Variants in VPS39 observed in about 807,000 individuals in gnomAD.
The protein encoded by VPS39 is vam6/Vps39-like protein.
In VPS39, 70 loss-of-function variants were observed where a neutral mutation model predicts 121.0. The ratio of observed to expected loss-of-function variants is 0.58; its 90% CI spans 0.48 to 0.71. The LOEUF is 0.71. Among genes scored for constraint, VPS39 ranks in the 30% least tolerant of loss-of-function variants. VPS39 has a pLI of 0.00. For missense variants in VPS39, 818 were observed against 1,051.5 expected (o/e 0.78, Z 3.07); for synonymous variants, 378 against 398.1 (o/e 0.95, Z 0.60).
Position 42,164,357 on chromosome 15 carries a change from C to T in VPS39, c.2026+1G>A. The T allele has an allele frequency of 6.2e-7, 1 of 1,614,062 alleles. No individual in the cohort carries two copies. The highest frequency in any genetic ancestry group is 8.5e-7 in the Non-Finnish European group (1 of 1,179,948). ...CTTCTGGCCCTAAGCCAGACACTCA[C>T]CATCAAAGGGAAAATCACAGATGAG... On this transcript the variant is annotated splice_donor_variant, in intron 19 of 24. Transcript: ENST00000318006. LOFTEE classifies it high-confidence loss of function.
rs193189995 is a variant in VPS39, at chr15:42,173,985, C to T, written c.961-133G>A. On this transcript the variant is annotated intron_variant, in intron 10 of 24. Transcript: ENST00000318006. ...AGACAAGGCCGGGCGCGGTGCCTCA[C>T]GCTTGTAATCCCAGCACTTTGGGAG... The T allele has an allele frequency of 1.2e-4, 122 of 1,003,872 alleles. 1 individual carries two copies. The African/African-American group carries it at 1.2e-3, about 10-fold the overall frequency. 62.2% of individuals were successfully genotyped at this position (1,003,872 alleles called of 1,614,324 possible). A position where few individuals can be genotyped will look rare whatever the true frequency, so the allele number is the denominator to read the frequency against.
chr15:42,167,326 T>C lies in VPS39; in HGVS notation c.1377+68A>G, dbSNP rs548916913. ...TGGCAGGTCCCTCAGGGTCTAGCACTCCCTTTTACTTTCCCAGACTGTCAG... is the reference window on the plus strand; with the variant it reads ...TGGCAGGTCCCTCAGGGTCTAGCACCCCCTTTTACTTTCCCAGACTGTCAG... On this transcript the variant is annotated intron_variant, in intron 13 of 24. Coordinates refer to ENST00000318006, the MANE Select transcript of VPS39 (RefSeq NM_015289.5). 383 of 1,582,486 alleles carry C rather than the reference T, an allele frequency of 2.4e-4. No individual in the cohort carries two copies. The Middle Eastern group carries it at 2.6e-3, about 11-fold the overall frequency.
At chr15:42,203,556 T>C (rs182173034) in intron 1 of VPS39, among the ~76,000 whole-genome samples, 2 of 151,624 alleles carry the variant, frequency 1.3e-5, no homozygotes, top group Admixed American at 6.6e-5. Flanking sequence ...GGAGAACCAC[T>C]TGAACACTGG....
At chr15:42,202,147 GGT>G (rs2050080871) in intron 1 of VPS39, among the ~76,000 whole-genome samples, 2 of 152,266 alleles carry the variant, frequency 1.3e-5, no homozygotes, top group East Asian at 3.9e-4. Flanking sequence ...AAAAAAAATG[GGT>G]GTCAGCCAAA....
intron 10 of VPS39, 44 bp from the exon 11 acceptor site, chr15:42,173,896 A>G (rs762055530): frequency 1.9e-6 from 3 of 1,606,270 alleles, no homozygotes; most frequent in African/African-American, 1.3e-5. Context: ...CACTCAACAA[A>G]TATTGTTCAG....
chr15:42,179,634 TA>T lies in VPS39; in HGVS notation c.719-1065del, dbSNP rs199693111. 1.1e-4 allele frequency among the ~76,000 whole-genome samples: 16 copies of T among 139,706 alleles called. 1 individual carries two copies. The highest frequency in any genetic ancestry group is 1.0e-3 in the East Asian group (5 of 4,906). The allele number at this position is 139,706 out of a possible 152,430, so 91.7% of individuals were successfully genotyped here. On this transcript the variant is annotated intron_variant, in intron 8 of 24. Transcript: ENST00000318006. ...ATAAATAAATAAATAAAATAAAAAA[TA>T]AAAAAAAAAGAAATAAAAAAGAAAG... is the stretch of plus-strand genomic sequence containing the variant.
intron 2 of VPS39, among the ~76,000 whole-genome samples, chr15:42,198,699 T>TA (rs1305065223): frequency 5.3e-5 from 8 of 149,590 alleles, no homozygotes; most frequent in African/African-American, 2.1e-4. Context: ...CTCCAGGGCC[T>TA]AACTGAGGCC....
intron 12 of VPS39, among the ~76,000 whole-genome samples, chr15:42,167,847 G>A (rs1422837553): frequency 2.0e-5 from 3 of 152,216 alleles, no homozygotes; most frequent in East Asian, 1.9e-4. Flanking sequence ...TACATAAGGG[G>A]TAGGGCAGGA....
Position 42,163,689 on chromosome 15 carries a change from C to T in VPS39, c.2066G>A (p.Gly689Glu). 2 of 1,613,768 alleles carry T rather than the reference C, an allele frequency of 1.2e-6. No individual in the cohort carries two copies. The highest frequency in any genetic ancestry group is 1.1e-5 in the South Asian group (1 of 90,980). The change falls in exon 20 of 25, where the codon GGG (glycine) becomes GAG (glutamate). Residue 689 changes from glycine (G) to glutamate (E), a missense_variant. Coordinates refer to ENST00000318006, the MANE Select transcript of VPS39 (RefSeq NM_015289.5). ...EERALLLGRM[G>E]KHEQALFIYV... ...AATGAAAAGAGCTTGTTCATGTTTC[C>T]CCATGCGCCCCAACAGGAGAGCTCG...
chr15:42,200,001 A>C (rs1454478792), intron 1 of VPS39, 40 bp from the exon 2 acceptor site: 1 of 1,543,896 alleles, frequency 6.5e-7, no homozygotes, highest in Non-Finnish European at 8.6e-7. Flanking sequence ...AACAAAAAAA[A>C]ACCAGCTTTG....
chr15:42,163,583 G>A, intron 20 of VPS39, 43 bp downstream of exon 20: 2 of 1,578,918 alleles, frequency 1.3e-6, no homozygotes, highest in Non-Finnish European at 1.7e-6. Flanking sequence ...TGCAGGGCCT[G>A]CTTTTAGACT....
intron 2 of VPS39, among the ~76,000 whole-genome samples, chr15:42,198,316 C>A (rs907121905): frequency 6.6e-6 from 1 of 152,106 alleles, no homozygotes; most frequent in Non-Finnish European, 1.5e-5. Flanking sequence ...ATAGACCAGG[C>A]AAATATCACA....
At chr15:42,200,457 C>T (rs1486820430) in intron 1 of VPS39, among the ~76,000 whole-genome samples, 1 of 152,108 alleles carries the variant, frequency 6.6e-6, no homozygotes, top group Admixed American at 6.5e-5. Flanking sequence ...AAGAGGCATC[C>T]TTTAAATGCT....
At chr15:42,180,477 T>C (rs118002581) in intron 8 of VPS39, among the ~76,000 whole-genome samples, 748 of 152,298 alleles carry the variant, frequency 4.9e-3, no homozygotes, top group Non-Finnish European at 7.7e-3. Context: ...GCAGAACAAT[T>C]CCACACAGTG....
At position 42,208,298 on chromosome 15, in the gene VPS39, C is replaced by G. The variant is rs2050221848; in HGVS notation, c.-145G>C. On this transcript the variant is annotated 5_prime_UTR_variant, in exon 1 of 25. Transcript: ENST00000318006. ...GGCCCTTCAACAACACAGCCATCGT[C>G]AACCCCGGACTTCCTGCTAGTTAGG... 3 of 1,032,458 alleles carry G rather than the reference C, an allele frequency of 2.9e-6. 1 individual carries two copies. Among genetic ancestry groups the G allele is most frequent in the East Asian group, 2.7e-5 (1 of 37,564 alleles). The allele number at this position is 1,032,458 out of a possible 1,614,324, so 64.0% of individuals were successfully genotyped here. A position where few individuals can be genotyped will look rare whatever the true frequency, so the allele number is the denominator to read the frequency against.
At chr15:42,199,354 C>T (rs2050015339) in intron 2 of VPS39, among the ~76,000 whole-genome samples, 1 of 152,094 alleles carries the variant, frequency 6.6e-6, no homozygotes, top group Admixed American at 6.6e-5. Context: ...ATTATTGCAT[C>T]CACCCCAACA....
At chr15:42,199,776 C>T (rs2050026153) in intron 2 of VPS39, 120 bp downstream of exon 2, 1 of 1,080,514 alleles carries the variant, frequency 9.3e-7, no homozygotes, top group South Asian at 1.7e-5. Flanking sequence ...TCCCCATTTT[C>T]CCACCGTGCT....
chr15:42,169,820 G>C lies in VPS39; in HGVS notation c.1137C>G (p.Asp379Glu), dbSNP rs775932786. ...MGLYPDLLPT[D>E]YRKQLQYPNP... The stretch of plus-strand genomic sequence containing the variant: ...TGGGATACTGCAACTGCTTTCTGTA[G>C]TCTGTGGGCAGCAGGTCAGGGTACA... Residue 379 changes from aspartate (D) to glutamate (E), a missense_variant, in exon 12 of 25, where the codon GAC (aspartate) becomes GAG (glutamate). Transcript: ENST00000318006. 1 of 1,614,130 alleles carries C rather than the reference G, an allele frequency of 6.2e-7. No homozygotes were observed. The highest frequency in any genetic ancestry group is 8.5e-7 in the Non-Finnish European group (1 of 1,180,046).
chr15:42,184,442 A>C, intron 8 of VPS39, 75 bp downstream of exon 8: 1 of 1,467,278 alleles, frequency 6.8e-7, no homozygotes, highest in Non-Finnish European at 9.1e-7. Context: ...TAAAGCTACG[A>C]ATGGGACTCC....
Sources: allele counts gnomAD v4.1 joint callset (sites outside exome capture counted in the v4.1 genomes callset), GRCh38; gene constraint gnomAD v4.1.1; transcripts MANE v1.5; gene names NCBI Gene and HGNC (gene_info 2026-07-23, HGNC 2026-07-21).